The following PHKA2 variants were observed in gnomAD, a reference collection of about 807,000 sequenced individuals.
The protein encoded by PHKA2 is phosphorylase kinase regulatory subunit alpha 2, also known as phosphorylase b kinase regulatory subunit alpha, liver isoform.
In PHKA2, 31 loss-of-function variants were observed where a neutral mutation model predicts 102.0. That is an observed-to-expected ratio of 0.30 (90% CI 0.23 to 0.41). The LOEUF is 0.41. Ranked by LOEUF, PHKA2 falls within the 10% of genes least tolerant of loss-of-function variation. PHKA2 has a pLI of 1.00. For synonymous variants in PHKA2, 455 were observed against 416.2 expected, an observed-to-expected ratio of 1.09 and a Z score of -1.13; for missense variants, 858 against 1,023.1, an observed-to-expected ratio of 0.84 and a Z score of 2.20.
In PHKA2 at chrX:18,954,425, A is replaced by T. The variant is rs1483130092; in HGVS notation, c.79-13T>A. On this transcript the variant is annotated splice_polypyrimidine_tract_variant and intron_variant, in intron 1 of 32. Transcript: ENST00000379942. Reference sequence around the variant, plus strand: ...CCGTGACGGGATTCTATTAGAGAAGAGACACAAAATGGCTCAGTGCCATCC... The same window carrying T: ...CCGTGACGGGATTCTATTAGAGAAGTGACACAAAATGGCTCAGTGCCATCC... 1.4e-5 allele frequency: 17 copies of T among 1,207,016 alleles called. No homozygotes were observed. In the Middle Eastern group the frequency reaches 1.6e-3, roughly 114 times the overall value.
chrX:18,908,864 T>C lies in PHKA2; in HGVS notation c.2297A>G (p.Gln766Arg). ...GDVDCEKLVE[Q>R]LKDCSNLQDQ... is the part of the protein sequence containing the mutation. Reference sequence around the variant, plus strand: ...CTGTAGGTTCGAACAATCTTTTAGCTGCTCAACCAGCTTCTCACAGTCCAC... The same window carrying C: ...CTGTAGGTTCGAACAATCTTTTAGCCGCTCAACCAGCTTCTCACAGTCCAC... Residue 766 changes from glutamine to arginine, a missense_variant, in exon 21 of 33, where the codon CAG (glutamine) becomes CGG (arginine). By Grantham distance (43) the Gln-to-Arg change is conservative (BLOSUM62 1). Coordinates refer to ENST00000379942, the MANE Select transcript of PHKA2 (RefSeq NM_000292.3). 8.3e-7 allele frequency: 1 copy of C among 1,210,129 alleles called. No homozygotes were observed. Among genetic ancestry groups the C allele is most frequent in the Non-Finnish European group, 1.1e-6 (1 of 893,904 alleles).
At chrX:18,938,809 T>C in intron 9 of PHKA2, 60 bp from the exon 10 acceptor site, 1 of 1,060,400 alleles carries the variant, frequency 9.4e-7, no homozygotes, top group African/African-American at 1.8e-5. Context: ...ATAATACCAT[T>C]GTGCCTCATG....
Position 18,901,477 on chromosome X carries a change from G to T in PHKA2, c.3027+8C>A, listed in dbSNP as rs564057877. The T allele has an allele frequency of 8.2e-6, 9 of 1,099,097 alleles. No homozygotes were observed. In the South Asian group the frequency reaches 1.5e-4, roughly 18 times the overall value. 90.6% of individuals were successfully genotyped at this position (1,099,097 alleles called of 1,213,427 possible). A position where few individuals can be genotyped will look rare whatever the true frequency, so the allele number is the denominator to read the frequency against. On this transcript the variant is annotated splice_region_variant and intron_variant, in intron 27 of 32. Transcript: ENST00000379942. ...ACTCATCCCTCGCTGCCACTGAGGT[G>T]TTCTTACCTGTTTCATTTCACTCCT...
rs1353310962 is a variant in PHKA2, at chrX:18,894,343, T to A, written c.3398A>T (p.Gln1133Leu). Residue 1133 changes from glutamine to leucine, a missense_variant, in exon 32 of 33, where the codon CAG becomes CTG. Physicochemically the swap from Gln to Leu is moderately radical, Grantham distance 113. This residue lies in a region of PHKA2 where 671 missense variants were observed against 745.2 expected (regional missense o/e 0.90). Transcript: ENST00000379942. ...HVESVLNRVP[Q>L]PEYRQLLVEA... ...CACCAGCAGCTGCCGGTACTCGGGC[T>A]GCGGCACGCGGTTCAGCACCGATTC... The A allele has an allele frequency of 1.7e-6, 2 of 1,211,606 alleles. No homozygotes were observed. Among genetic ancestry groups the A allele is most frequent in the Non-Finnish European group, 2.2e-6 (2 of 895,325 alleles).
At position 18,929,294 on chromosome X, in the gene PHKA2, C is replaced by T. The variant is rs758894686; in HGVS notation, c.1258G>A (p.Ala420Thr). Residue 420 changes from alanine to threonine, a missense_variant, in exon 13 of 33, where the codon GCT becomes ACT. Transcript: ENST00000379942. The stretch of plus-strand genomic sequence containing the variant: ...CTATTTAAGGGATCGATTTCACCAG[C>T]GGCAAGGAATCCCTATGAAAAGAGG... ...SSLLAEGFLA[A>T]GEIDPLNRRF... The T allele has an allele frequency of 7.8e-6, 9 of 1,155,138 alleles. No individual in the cohort carries two copies. Among genetic ancestry groups the T allele is most frequent in the African/African-American group, 7.2e-5 (4 of 55,892 alleles).
intron 20 of PHKA2, 80 bp from the exon 21 acceptor site, chrX:18,909,014 T>C: frequency 8.7e-7 from 1 of 1,154,646 alleles, no homozygotes; most frequent in Admixed American, 2.2e-5. Flanking sequence ...AACACCAATC[T>C]GGTCTTGGAA....
At chrX:18,938,799 A>G (rs764632854) in intron 9 of PHKA2, 50 bp from the exon 10 acceptor site, 2 of 1,110,673 alleles carry the variant, frequency 1.8e-6, no homozygotes, top group East Asian at 3.0e-5. Context: ...GAATACATAC[A>G]TAATACCATT....
intron 1 of PHKA2, among the ~76,000 whole-genome samples, chrX:18,965,735 C>T (rs1014152059): frequency 5.4e-5 from 6 of 111,380 alleles, no homozygotes; most frequent in Non-Finnish European, 9.4e-5. Context: ...GATCAAGAAC[C>T]ACTTCTCTAG....
intron 22 of PHKA2, 23 bp from the exon 23 acceptor site, chrX:18,907,120 G>A: frequency 2.7e-6 from 3 of 1,110,531 alleles, no homozygotes; most frequent in Non-Finnish European, 3.7e-6. Context: ...GGGGAAGGGT[G>A]AGAGGCAGAG....
chrX:18,902,276 C>G (rs1436717967), intron 26 of PHKA2, among the ~76,000 whole-genome samples: 2 of 109,880 alleles, frequency 1.8e-5, no homozygotes, highest in African/African-American at 3.3e-5. Flanking sequence ...GCTAGGACCA[C>G]AGGTGTGCGC....
In PHKA2 at chrX:18,938,764, G is replaced by A; in HGVS notation, c.919-15C>T. On this transcript the variant is annotated splice_polypyrimidine_tract_variant and intron_variant, in intron 9 of 32. Coordinates refer to ENST00000379942, the MANE Select transcript of PHKA2 (RefSeq NM_000292.3). The stretch of plus-strand genomic sequence containing the variant: ...CGATTAGGGTCCTAGAATCAAATAA[G>A]TCAAACTTTTAAAAGGTGATGTCAG... The A allele has an allele frequency of 8.4e-7, 1 of 1,191,569 alleles. No homozygotes were observed. Among genetic ancestry groups the A allele is most frequent in the Non-Finnish European group, 1.1e-6 (1 of 877,051 alleles).
intron 14 of PHKA2, 151 bp from the exon 15 acceptor site, chrX:18,925,928 C>T (rs953189228): frequency 8.5e-6 from 4 of 472,448 alleles, no homozygotes; most frequent in African/African-American, 2.4e-5. Flanking sequence ...TAAAATGGCA[C>T]GAAGCTGAAT....
chrX:18,931,831 T>C, intron 11 of PHKA2, 83 bp from the exon 12 acceptor site: 1 of 678,772 alleles, frequency 1.5e-6, no homozygotes, highest in Non-Finnish European at 2.4e-6. Flanking sequence ...GCACTGAGGA[T>C]TTATGAAATG....
At chrX:18,983,302 G>C (rs2049205584) in intron 1 of PHKA2, among the ~76,000 whole-genome samples, 1 of 112,614 alleles carries the variant, frequency 8.9e-6, no homozygotes, top group Non-Finnish European at 1.9e-5. Flanking sequence ...CTGTGAGCTT[G>C]GGAGCCTTTG....
intron 19 of PHKA2, among the ~76,000 whole-genome samples, chrX:18,911,421 C>T (rs1415902971): frequency 9.0e-6 from 1 of 111,723 alleles, no homozygotes; most frequent in Non-Finnish European, 1.9e-5. Context: ...GATCTGCCCA[C>T]CTCAGCCTCC....
chrX:18,959,288 C>T (rs919940637), intron 1 of PHKA2, among the ~76,000 whole-genome samples: 50 of 111,968 alleles, frequency 4.5e-4, no homozygotes, highest in African/African-American at 1.6e-3. Context: ...TCAATAATTG[C>T]GATGTTTAAT....
rs192747730 is a variant in PHKA2 at position 18,895,246 on chromosome X, G to A, written c.3283-55C>T. The A allele has an allele frequency of 8.4e-6, 9 of 1,069,625 alleles. No individual in the cohort carries two copies. In the East Asian group the frequency reaches 1.8e-4, roughly 22 times the overall value. 88.1% of individuals were successfully genotyped at this position (1,069,625 alleles called of 1,213,427 possible). A position where few individuals can be genotyped will look rare whatever the true frequency, so the allele number is the denominator to read the frequency against. ...AGATTCCAGAATGGGATAAGCACAT[G>A]CATGCACACACAGGCGTGCATGCAC... On this transcript the variant is annotated intron_variant, in intron 30 of 32. Transcript: ENST00000379942.
At chrX:18,954,210 G>A (rs766469804) in intron 2 of PHKA2, 44 bp downstream of exon 2, 1 of 1,191,107 alleles carries the variant, frequency 8.4e-7, no homozygotes, top group South Asian at 1.8e-5. Context: ...AGTTCAAGGA[G>A]AAGGTGGCTG....
chrX:18,916,232 C>T (rs1281247709), intron 19 of PHKA2, among the ~76,000 whole-genome samples: 3 of 111,756 alleles, frequency 2.7e-5, no homozygotes, highest in Non-Finnish European at 3.8e-5. Flanking sequence ...CTGGCCAACA[C>T]GGTGAAACCC....
Sources: gnomAD v4.1 joint callset for allele counts (sites outside exome capture counted in the v4.1 genomes callset) on GRCh38, gnomAD v4.1.1 for gene constraint, gnomAD v4.1.1 regional missense constraint, MANE v1.5 for transcripts, NCBI Gene and HGNC (gene_info 2026-07-23, HGNC 2026-07-21) for gene names.